FAF1: variants seen among roughly 807,000 people sequenced by gnomAD.
FAF1 encodes FAS-associated factor 1.
Under a neutral mutation model 92.5 loss-of-function variants are expected in FAF1, and 25 were observed. The ratio of observed to expected loss-of-function variants is 0.27; its 90% CI spans 0.20 to 0.38. The LOEUF is 0.38. FAF1 is among the 10% of genes least tolerant of loss of function. FAF1 has a pLI of 1.00. For missense variants in FAF1, 636 were observed against 793.3 expected (o/e 0.80, Z 2.38); for synonymous variants, 234 against 273.2 (o/e 0.86, Z 1.42).
intron 2 of FAF1, among the ~76,000 whole-genome samples, chr1:50,810,762 G>C (rs1483059761): frequency 6.6e-6 from 1 of 152,086 alleles, no homozygotes; most frequent in Non-Finnish European, 1.5e-5. Flanking sequence ...GTACAAAAAT[G>C]GTCAGGCCAG....
chr1:50,441,345 T>G lies in FAF1; in HGVS notation c.*95A>C. 3.1e-6 allele frequency: 2 copies of G among 635,982 alleles called. No homozygotes were observed. The highest frequency in any genetic ancestry group is 5.3e-6 in the Non-Finnish European group (2 of 374,936). The allele number at this position is 635,982 out of a possible 1,614,324, so 39.4% of individuals were successfully genotyped here. A position where few individuals can be genotyped will look rare whatever the true frequency, so the allele number is the denominator to read the frequency against. On this transcript the variant is annotated 3_prime_UTR_variant, in exon 19 of 19. Transcript: ENST00000396153. Reference sequence around the variant, plus strand: ...GGCAGAAGTGTGACATTGAATTGAGTGAGACGAGCGTGTGGGTGGGTTGGC... The same window carrying G: ...GGCAGAAGTGTGACATTGAATTGAGGGAGACGAGCGTGTGGGTGGGTTGGC...
At chr1:50,585,880 T>TAAAA (rs958484582) in intron 9 of FAF1, among the ~76,000 whole-genome samples, 19 of 90,530 alleles carry the variant, frequency 2.1e-4, no homozygotes, top group South Asian at 3.8e-4. Context: ...CATCTCTACA[T>TAAAA]AAAAAAAAAA....
chr1:50,876,877 CCCAGCCAAAAG>C (rs1401989069), intron 1 of FAF1, among the ~76,000 whole-genome samples: 5 of 152,144 alleles, frequency 3.3e-5, no homozygotes, highest in Non-Finnish European at 5.9e-5. Flanking sequence ...AGCCACCGCA[CCCAGCCAAAAG>C]CTAAAACATT....
chr1:50,584,941 A>G, intron 9 of FAF1, 130 bp from the exon 10 acceptor site: 1 of 829,360 alleles, frequency 1.2e-6, no homozygotes, highest in Non-Finnish European at 1.8e-6. Context: ...TTGCTAGAGT[A>G]AAGCTTACTA....
intron 17 of FAF1, among the ~76,000 whole-genome samples, chr1:50,477,887 A>G (rs1279548172): frequency 6.6e-6 from 1 of 152,212 alleles, no homozygotes; most frequent in Non-Finnish European, 1.5e-5. Context: ...ATATATGTAA[A>G]AGTGCTTAGT....
At chr1:50,554,390 T>TAGAGAGAG (rs34360366) in intron 13 of FAF1, among the ~76,000 whole-genome samples, 1,353 of 93,620 alleles carry the variant, frequency 0.014, 26 homozygotes, top group African/African-American at 0.025. Flanking sequence ...TATATATATA[T>TAGAGAGAG]AGAGAGAGAG....
intron 1 of FAF1, among the ~76,000 whole-genome samples, chr1:50,940,712 AAAG>A (rs1645125793): frequency 1.3e-5 from 2 of 152,242 alleles, no homozygotes; most frequent in Non-Finnish European, 2.9e-5. Flanking sequence ...TACTTTCAAG[AAAG>A]AATTTTAAAA....
intron 8 of FAF1, among the ~76,000 whole-genome samples, chr1:50,617,643 G>A (rs932722946): frequency 6.6e-6 from 1 of 150,658 alleles, no homozygotes; most frequent in African/African-American, 2.4e-5. Flanking sequence ...ATAGTATTAG[G>A]GTGACGCTGG....
intron 2 of FAF1, among the ~76,000 whole-genome samples, chr1:50,813,090 G>A (rs1244587031): frequency 6.6e-6 from 1 of 152,074 alleles, no homozygotes; most frequent in Non-Finnish European, 1.5e-5. Flanking sequence ...GGAGGAAGGT[G>A]AGGACAGAAA....
At chr1:50,900,858 T>C (rs2124709468) in intron 1 of FAF1, among the ~76,000 whole-genome samples, 1 of 152,278 alleles carries the variant, frequency 6.6e-6, no homozygotes, top group Admixed American at 6.5e-5. Flanking sequence ...TACATATACA[T>C]ATGCTATGTA....
At chr1:50,821,801 CCT>C (rs1297029328) in intron 2 of FAF1, among the ~76,000 whole-genome samples, 1 of 151,714 alleles carries the variant, frequency 6.6e-6, no homozygotes, top group African/African-American at 2.4e-5. Context: ...ATATTGATAC[CCT>C]TTTTTAAAAT....
intron 15 of FAF1, among the ~76,000 whole-genome samples, chr1:50,510,062 A>C (rs2149022580): frequency 6.6e-6 from 1 of 151,632 alleles, no homozygotes; most frequent in South Asian, 2.1e-4. Context: ...CCAGCTGCTC[A>C]GGAGGCTGAG....
chr1:50,608,198 G>T (rs1652515122), intron 8 of FAF1, among the ~76,000 whole-genome samples: 1 of 152,218 alleles, frequency 6.6e-6, no homozygotes, highest in South Asian at 2.1e-4. Flanking sequence ...TTGTTGACAT[G>T]GAAAGGGGCA....
intron 4 of FAF1, among the ~76,000 whole-genome samples, chr1:50,756,798 T>G (rs552335837): frequency 6.6e-6 from 1 of 152,100 alleles, no homozygotes; most frequent in Non-Finnish European, 1.5e-5. Flanking sequence ...GCAGGGAAAC[T>G]CCTCCTTATA....
intron 2 of FAF1, among the ~76,000 whole-genome samples, chr1:50,848,146 AT>A (rs1644317727): frequency 6.6e-6 from 1 of 152,184 alleles, no homozygotes; most frequent in Non-Finnish European, 1.5e-5. Context: ...CCAAAAAATA[AT>A]TTAAAAAAAA....
chr1:50,863,398 C>G (rs925498953), intron 1 of FAF1, among the ~76,000 whole-genome samples: 16 of 151,800 alleles, frequency 1.1e-4, no homozygotes, highest in African/African-American at 3.9e-4. Flanking sequence ...CATTAAATGC[C>G]TAGATCAAAA....
At chr1:50,772,602 G>T (rs534989177) in intron 4 of FAF1, among the ~76,000 whole-genome samples, 2 of 152,182 alleles carry the variant, frequency 1.3e-5, no homozygotes, top group Non-Finnish European at 2.9e-5. Flanking sequence ...CACAGGAACA[G>T]AAAACCAAAT....
At chr1:50,547,063 AT>A (rs35559371) in intron 13 of FAF1, among the ~76,000 whole-genome samples, 10,916 of 144,938 alleles carry the variant, frequency 0.075, 420 homozygotes, top group African/African-American at 0.1. Flanking sequence ...TAATTTTCGT[AT>A]TTTTTTTTTT....
chr1:50,796,408 C>T (rs1661753575), intron 3 of FAF1, among the ~76,000 whole-genome samples: 1 of 152,156 alleles, frequency 6.6e-6, no homozygotes, highest in South Asian at 2.1e-4. Flanking sequence ...CCATTATCAG[C>T]TGAACAGGAC....
Sources: allele counts gnomAD v4.1 joint callset (sites outside exome capture counted in the v4.1 genomes callset), GRCh38; gene constraint gnomAD v4.1.1; transcripts MANE v1.5; gene names NCBI Gene and HGNC (gene_info 2026-07-23, HGNC 2026-07-21).